Variants in INTS2 observed in about 807,000 individuals in gnomAD.
INTS2 encodes KIAA1287.
Under a neutral mutation model 139.6 loss-of-function variants are expected in INTS2, and 57 were observed. The observed-to-expected ratio is 0.41, with a 90% confidence interval of 0.33 to 0.51. INTS2 has a LOEUF of 0.51. Ranked by LOEUF, INTS2 falls within the 20% of genes least tolerant of loss-of-function variation. INTS2 has a pLI of 0.28. For synonymous variants in INTS2, 473 were observed against 493.4 expected (o/e 0.96, Z 0.55); for missense variants, 1,196 against 1,436.7 (o/e 0.83, Z 2.71).
chr17:61,901,789 G>A (rs2079409624), intron 9 of INTS2, among the ~76,000 whole-genome samples: 1 of 151,272 alleles, frequency 6.6e-6, no homozygotes. Context: ...GTAGAGACGG[G>A]GTTTCACCGT....
chr17:61,924,856 G>A (rs1490036507), intron 3 of INTS2, 105 bp downstream of exon 3: 2 of 1,110,014 alleles, frequency 1.8e-6, no homozygotes, highest in Non-Finnish European at 2.6e-6. Context: ...AATAAGAGTA[G>A]AGGAGAATTC....
intron 9 of INTS2, among the ~76,000 whole-genome samples, chr17:61,900,704 T>C (rs1281326948): frequency 6.6e-6 from 1 of 152,148 alleles, no homozygotes; most frequent in Non-Finnish European, 1.5e-5. Context: ...ACACCTGTAA[T>C]CCCAGCACTT....
At chr17:61,919,545 G>A in intron 4 of INTS2, 32 bp from the exon 5 acceptor site, 1 of 1,134,830 alleles carries the variant, frequency 8.8e-7, no homozygotes, top group Non-Finnish European at 1.3e-6. Context: ...GTTAGTCTTT[G>A]TTAACAGGTG....
In INTS2 at chr17:61,876,033, G is replaced by A. The variant is rs562407363; in HGVS notation, c.2457-995C>T. Among the ~76,000 whole-genome samples, 136 of 152,072 alleles carry A rather than the reference G, an allele frequency of 8.9e-4. No homozygotes were observed. The highest frequency in any genetic ancestry group is 3.0e-3 in the African/African-American group (123 of 41,494). ...AAACTAAAAAAAATTAGGCAGGCAC[G>A]GGGGTATGCACCTGTAGTCCAGCTA... On this transcript the variant is annotated intron_variant, in intron 18 of 24. Transcript: ENST00000251334. The surrounding 1 kb of genome is among the most constrained non-coding windows in gnomAD (Gnocchi z 4.1).
chr17:61,871,813 AGT>A lies in INTS2; in HGVS notation c.2778+450_2778+451del, dbSNP rs2079090884. 6.6e-6 allele frequency among the ~76,000 whole-genome samples: 1 copy of A among 152,154 alleles called. No individual in the cohort carries two copies. The highest frequency in any genetic ancestry group is 6.5e-5 in the Admixed American group (1 of 15,280). On this transcript the variant is annotated intron_variant, in intron 20 of 24. Coordinates refer to ENST00000251334, the MANE Select transcript of INTS2 (RefSeq NM_001351695.2). This position sits in a 1 kb window ranked among gnomAD's most constrained non-coding sequence, Gnocchi z 4.9. Reference sequence around the variant, plus strand: ...GCCAGGTGTGGTGGCATGTGCCTGTAGTCCCAGCTACTCAGGAGGCTGAGGCA... The same window carrying A: ...GCCAGGTGTGGTGGCATGTGCCTGTACCCAGCTACTCAGGAGGCTGAGGCA...
chr17:61,908,045 T>C (rs1373962466), intron 7 of INTS2, among the ~76,000 whole-genome samples: 1 of 152,222 alleles, frequency 6.6e-6, no homozygotes, highest in Non-Finnish European at 1.5e-5. Context: ...TTAGCCTCTC[T>C]GAACCCCAAT....
rs1026457284 is a variant in INTS2 at position 61,927,617 on chromosome 17, G to C, written c.-19+37C>G. On this transcript the variant is annotated intron_variant, in intron 1 of 24. Transcript: ENST00000251334. ...CTGGCCAGGCTCCGACACGGACCTAGGAACGCGCTGAGGCCAGAGAAGCGG... is the reference window on the plus strand; with the variant it reads ...CTGGCCAGGCTCCGACACGGACCTACGAACGCGCTGAGGCCAGAGAAGCGG... The C allele has an allele frequency of 2.7e-5, 35 of 1,305,800 alleles. No individual in the cohort carries two copies. The African/African-American group carries it at 4.8e-4, about 18-fold the overall frequency. The allele number at this position is 1,305,800 out of a possible 1,614,324, so 80.9% of individuals were successfully genotyped here.
chr17:61,902,901 T>TCACG (rs1185354467), intron 9 of INTS2, among the ~76,000 whole-genome samples: 1 of 145,050 alleles, frequency 6.9e-6, no homozygotes, highest in Non-Finnish European at 1.5e-5. Flanking sequence ...GCACGGTGGC[T>TCACG]CACGCCTGTA....
chr17:61,896,193 T>C (rs2079346282), intron 11 of INTS2, among the ~76,000 whole-genome samples: 1 of 133,412 alleles, frequency 7.5e-6, no homozygotes, highest in African/African-American at 2.9e-5. Flanking sequence ...TGAGCCGAGA[T>C]CGCACCACTG....
chr17:61,918,906 T>C lies in INTS2; in HGVS notation c.649+494A>G, dbSNP rs201518708. On this transcript the variant is annotated intron_variant, in intron 5 of 24. Transcript: ENST00000251334. ...TTGATCCCTGATTATAGATATTACA[T>C]CTTCTAGTTCCTTGGGGTTTTTTTT... Among the ~76,000 whole-genome samples, 166 of 151,508 alleles carry C rather than the reference T, an allele frequency of 1.1e-3. 2 individuals are homozygous for C. The highest frequency in any genetic ancestry group is 6.3e-3 in the Admixed American group (96 of 15,172).
At chr17:61,904,758 A>G (rs1221522031) in intron 8 of INTS2, among the ~76,000 whole-genome samples, 173 bp from the exon 9 acceptor site, 1 of 152,186 alleles carries the variant, frequency 6.6e-6, no homozygotes, top group Non-Finnish European at 1.5e-5. Context: ...TTACAACTAC[A>G]GTGTTTTACT....
Position 61,892,557 on chromosome 17 carries a change from C to T in INTS2, c.1699-868G>A, listed in dbSNP as rs368114236. Among the ~76,000 whole-genome samples the T allele has an allele frequency of 2.7e-3, 409 of 152,088 alleles. 3 individuals are homozygous for T. The highest frequency in any genetic ancestry group is 0.01 in the Middle Eastern group (3 of 292). ...CTGTAATCCCAACACTTCGGGAGGC[C>T]GAAGTAGGAGAATTGCTTGAGACCA... On this transcript the variant is annotated intron_variant, in intron 13 of 24. Transcript: ENST00000251334.
chr17:61,919,113 T>G (rs1370871548), intron 5 of INTS2, among the ~76,000 whole-genome samples: 1 of 151,932 alleles, frequency 6.6e-6, no homozygotes, highest in African/African-American at 2.4e-5. Flanking sequence ...TTAGTAGAGA[T>G]GGGGTTTCAC....
Position 61,907,405 on chromosome 17 carries a change from T to C in INTS2, c.1181+3A>G, listed in dbSNP as rs1375649216. 1.3e-6 allele frequency: 2 copies of C among 1,567,858 alleles called. No homozygotes were observed. Among genetic ancestry groups the C allele is most frequent in the African/African-American group, 1.4e-5 (1 of 73,968 alleles). ...AAAGGTAAAATATCAAACTATTGAA[T>C]ACTTGAGTCCAGCGATCCCCATCAA... On this transcript the variant is annotated splice_donor_region_variant and intron_variant, in intron 8 of 24. Coordinates refer to ENST00000251334, the MANE Select transcript of INTS2 (RefSeq NM_001351695.2).
intron 16 of INTS2, among the ~76,000 whole-genome samples, chr17:61,883,486 G>A (rs932859607): frequency 3.9e-5 from 6 of 152,170 alleles, no homozygotes; most frequent in Non-Finnish European, 7.3e-5. Context: ...AGGCACAGTG[G>A]CTCACGCCTG....
At chr17:61,924,909 T>G in intron 3 of INTS2, 52 bp downstream of exon 3, 2 of 1,565,274 alleles carry the variant, frequency 1.3e-6, no homozygotes, top group Admixed American at 3.6e-5. Context: ...TACCTCCCTA[T>G]ACATAGACAT....
Position 61,904,580 on chromosome 17 carries a change from G to T in INTS2, c.1187C>A (p.Thr396Asn), listed in dbSNP as rs752140373. 14 of 1,609,678 alleles carry T rather than the reference G, an allele frequency of 8.7e-6. No individual in the cohort carries two copies. In the South Asian group the frequency reaches 1.4e-4, roughly 17 times the overall value. ...ALMGIAGLKP[T>N]EEEAEQLLQL... ...CAGTAATTGCTCAGCTTCTTCTTCA[G>T]TTGGTCTAAAAAGGAATACATCATT... Residue 396 changes from threonine to asparagine, a missense_variant, in exon 9 of 25, where the codon ACT becomes AAT. Around this residue, in one of 3 missense-constraint regions of INTS2, gnomAD observed 1,129 missense variants for 1,341.9 expected, o/e 0.84. Transcript: ENST00000251334.
rs1272803553 is a variant in INTS2 at position 61,912,027 on chromosome 17, T to G, written c.693A>C (p.Glu231Asp). 6.2e-7 allele frequency: 1 copy of G among 1,613,804 alleles called. No individual in the cohort carries two copies. The highest frequency in any genetic ancestry group is 1.7e-5 in the Admixed American group (1 of 59,996). ...LIKNGERQDE[E>D]SLGGRRRTDA... The stretch of plus-strand genomic sequence containing the variant: ...CTGTCCTGCGCCTTCCTCCAAGACT[T>G]TCTTCATCTTGTCGTTCTCCATTTT... Residue 231 changes from glutamate (E) to aspartate (D), a missense_variant, in exon 6 of 25, where the codon GAA (glutamate) becomes GAC (aspartate). Physicochemically the swap from Glu to Asp is conservative, Grantham distance 45. Around this residue, in one of 3 missense-constraint regions of INTS2, gnomAD observed 1,129 missense variants for 1,341.9 expected, o/e 0.84. Coordinates refer to ENST00000251334, the MANE Select transcript of INTS2 (RefSeq NM_001351695.2).
At position 61,872,730 on chromosome 17, in the gene INTS2, C is replaced by T. The variant is rs542453869; in HGVS notation, c.2583-270G>A. On this transcript the variant is annotated intron_variant, in intron 19 of 24. Coordinates refer to ENST00000251334, the MANE Select transcript of INTS2 (RefSeq NM_001351695.2). This position sits in a 1 kb window ranked among gnomAD's most constrained non-coding sequence, Gnocchi z 4.8. ...ATTCTAAAGAAAAGATGACCGGGTG[C>T]GGGCAAAACAATATTGCATGAAGAA... 5.3e-5 allele frequency among the ~76,000 whole-genome samples: 8 copies of T among 151,960 alleles called. No individual in the cohort carries two copies. The East Asian group carries it at 5.8e-4, about 11-fold the overall frequency.
Sources: allele counts gnomAD v4.1 joint callset (sites outside exome capture counted in the v4.1 genomes callset), GRCh38; gene constraint gnomAD v4.1.1; regional missense constraint gnomAD v4.1.1; non-coding constraint Gnocchi (gnomAD v3.1); transcripts MANE v1.5; gene names NCBI Gene and HGNC (gene_info 2026-07-23, HGNC 2026-07-21).